The following ELOVL7 variants were observed in gnomAD, a reference collection of about 807,000 sequenced individuals.
The protein encoded by ELOVL7 is ELOVL fatty acid elongase 7, also known as very long chain fatty acid elongase 7.
ELOVL7 carries 27 observed loss-of-function variants against 35.7 expected under a neutral mutation model. The ratio of observed to expected loss-of-function variants is 0.76; its 90% CI spans 0.56 to 1.04. The LOEUF (loss-of-function observed/expected upper bound fraction) is 1.04, where lower values mean the gene tolerates loss of function less well. Ranked by LOEUF, ELOVL7 falls within the 50% of genes least tolerant of loss-of-function variation. ELOVL7 has a pLI of 0.00. For missense variants in ELOVL7, 327 were observed against 340.8 expected, an observed-to-expected ratio of 0.96 and a Z score of 0.32; for synonymous variants, 113 against 114.6, an observed-to-expected ratio of 0.99 and a Z score of 0.09.
chr5:60,774,583 G>T (rs1742794617), intron 3 of ELOVL7, among the ~76,000 whole-genome samples: 1 of 152,084 alleles, frequency 6.6e-6, no homozygotes, highest in Admixed American at 6.6e-5. Flanking sequence ...TTTAAGAGCT[G>T]CAACAAGACA....
chr5:60,782,242 AAAGATAAC>A (rs1452062494), intron 3 of ELOVL7, among the ~76,000 whole-genome samples: 1 of 152,250 alleles, frequency 6.6e-6, no homozygotes, highest in African/African-American at 2.4e-5. Context: ...CAAAAAGACA[AAAGATAAC>A]AAGCGTTGGC....
chr5:60,755,698 C>A, intron 8 of ELOVL7, among the ~76,000 whole-genome samples: 1 of 151,912 alleles, frequency 6.6e-6, no homozygotes, highest in East Asian at 1.9e-4. Context: ...GGCAGAGAAT[C>A]TACGAGGTGT....
At chr5:60,805,883 C>T (rs371345483) in intron 1 of ELOVL7, among the ~76,000 whole-genome samples, 40 of 152,262 alleles carry the variant, frequency 2.6e-4, no homozygotes, top group Middle Eastern at 3.4e-3. Context: ...CCTAGACCAA[C>T]GCCTGGCATG....
intron 7 of ELOVL7, 90 bp from the exon 8 acceptor site, chr5:60,757,735 CT>C: frequency 1.6e-6 from 2 of 1,238,830 alleles, no homozygotes; most frequent in Non-Finnish European, 2.2e-6. Context: ...ATAATTATTT[CT>C]TGCATTTTGG....
In ELOVL7 at chr5:60,822,042, A is replaced by G. The variant is rs970246000; in HGVS notation, c.-86+22118T>C. On this transcript the variant is annotated intron_variant, in intron 1 of 8. Coordinates refer to ENST00000508821, the MANE Select transcript of ELOVL7 (RefSeq NM_024930.3). ...TGTTCTTACCTTCCTCCTTTTGGGA[A>G]TGTTGTTTGCTGCCTGGGACAATGC... 3.9e-5 allele frequency among the ~76,000 whole-genome samples: 6 copies of G among 152,364 alleles called. No homozygotes were observed. The East Asian group carries it at 1.2e-3, about 29-fold the overall frequency.
intron 3 of ELOVL7, among the ~76,000 whole-genome samples, chr5:60,776,993 T>C (rs1742942950): frequency 6.6e-6 from 1 of 151,848 alleles, no homozygotes; most frequent in South Asian, 2.1e-4. Flanking sequence ...AATAGGTAAA[T>C]GTTAAGAAAA....
chr5:60,810,823 A>G (rs1449262584), intron 1 of ELOVL7, among the ~76,000 whole-genome samples: 5 of 152,178 alleles, frequency 3.3e-5, no homozygotes, highest in African/African-American at 7.2e-5. Context: ...CTTCTTAAGC[A>G]AATTTGTATT....
chr5:60,791,209 T>C (rs1033616434), intron 2 of ELOVL7, among the ~76,000 whole-genome samples: 2 of 152,162 alleles, frequency 1.3e-5, no homozygotes, highest in Admixed American at 6.5e-5. Flanking sequence ...CTCCTTGGGC[T>C]CAAGCAGTCC....
intron 2 of ELOVL7, among the ~76,000 whole-genome samples, chr5:60,790,125 G>A (rs978891754): frequency 6.6e-6 from 1 of 151,762 alleles, no homozygotes; most frequent in Admixed American, 6.6e-5. Flanking sequence ...CAACAAGAGC[G>A]AGACACTACC....
chr5:60,813,431 C>G lies in ELOVL7; in HGVS notation c.-85-14201G>C, dbSNP rs374870087. Among the ~76,000 whole-genome samples, 6 of 152,054 alleles carry G rather than the reference C, an allele frequency of 3.9e-5. No homozygotes were observed. In the East Asian group the frequency reaches 5.8e-4, roughly 15 times the overall value. ...AAGAGAAAAATATAGTCCTAAAATA[C>G]CACTTTCATCACCTTTTCCCCTTTC... On this transcript the variant is annotated intron_variant, in intron 1 of 8. Coordinates refer to ENST00000508821, the MANE Select transcript of ELOVL7 (RefSeq NM_024930.3).
At chr5:60,840,605 T>C (rs916887342) in intron 1 of ELOVL7, among the ~76,000 whole-genome samples, 2 of 152,234 alleles carry the variant, frequency 1.3e-5, no homozygotes, top group Non-Finnish European at 2.9e-5. Context: ...AGGAAACTAA[T>C]ACAACATTTA....
chr5:60,835,627 C>T (rs1236192643), intron 1 of ELOVL7, among the ~76,000 whole-genome samples: 1 of 151,802 alleles, frequency 6.6e-6, no homozygotes, highest in Non-Finnish European at 1.5e-5. Context: ...TGCCCAGGCT[C>T]GTCTTCAACT....
chr5:60,825,677 T>C (rs2112366896), intron 1 of ELOVL7, among the ~76,000 whole-genome samples: 1 of 152,222 alleles, frequency 6.6e-6, no homozygotes, highest in South Asian at 2.1e-4. Context: ...GGGAAAGAGC[T>C]GTGATTCAGT....
rs111743299 is a variant in ELOVL7, at chr5:60,788,711, G to A, written c.-34-1280C>T. Among the ~76,000 whole-genome samples, 105 of 152,132 alleles carry A rather than the reference G, an allele frequency of 6.9e-4. 1 individual carries two copies. The highest frequency in any genetic ancestry group is 2.5e-3 in the African/African-American group (103 of 41,498). ...AATTGCTCGAACCCAGGAGGCAGAG[G>A]CTGCAGTGAGCAGATTGTGCCACTG... On this transcript the variant is annotated intron_variant, in intron 2 of 8. Coordinates refer to ENST00000508821, the MANE Select transcript of ELOVL7 (RefSeq NM_024930.3).
At chr5:60,759,573 C>A (rs187076695) in intron 7 of ELOVL7, among the ~76,000 whole-genome samples, 280 of 151,508 alleles carry the variant, frequency 1.8e-3, no homozygotes, top group African/African-American at 6.4e-3. Flanking sequence ...AACTAAGACA[C>A]CTCTCCTGTT....
At chr5:60,787,311 A>C in intron 3 of ELOVL7, 23 bp downstream of exon 3, 2 of 1,570,566 alleles carry the variant, frequency 1.3e-6, no homozygotes, top group South Asian at 1.2e-5. Flanking sequence ...GATGAACCTC[A>C]ATTAGGAAAT....
At chr5:60,769,610 A>T (rs918374224) in intron 4 of ELOVL7, among the ~76,000 whole-genome samples, 1 of 152,246 alleles carries the variant, frequency 6.6e-6, no homozygotes, top group Admixed American at 6.5e-5. Flanking sequence ...CCATACAATA[A>T]ACCATGTGTT....
intron 1 of ELOVL7, among the ~76,000 whole-genome samples, chr5:60,829,231 C>A (rs1489934052): frequency 6.6e-6 from 1 of 151,846 alleles, no homozygotes; most frequent in African/African-American, 2.4e-5. Flanking sequence ...AATTCTTTTC[C>A]TAGAGAAAAA....
intron 5 of ELOVL7, 41 bp from the exon 6 acceptor site, chr5:60,766,671 G>A (rs559914550): frequency 5.8e-6 from 9 of 1,558,872 alleles, no homozygotes; most frequent in Admixed American, 5.5e-5. Context: ...TTTGTATATG[G>A]AAGAAAAGCT....
Sources: allele counts gnomAD v4.1 joint callset (sites outside exome capture counted in the v4.1 genomes callset), GRCh38; gene constraint gnomAD v4.1.1; transcripts MANE v1.5; gene names NCBI Gene and HGNC (gene_info 2026-07-23, HGNC 2026-07-21).